CLOCK: variants seen among roughly 807,000 people sequenced by gnomAD.
CLOCK encodes circadian locomoter output cycles protein kaput.
In CLOCK, 43 loss-of-function variants were observed where a neutral mutation model predicts 118.4. The ratio of observed to expected loss-of-function variants is 0.36; its 90% confidence interval spans 0.28 to 0.47. The LOEUF is 0.47. Ranked by LOEUF, CLOCK falls within the 20% of genes least tolerant of loss-of-function variation. The pLI is 1.00. For synonymous variants in CLOCK, 326 were observed against 339.2 expected (o/e 0.96, Z 0.43); for missense variants, 846 against 999.9 (o/e 0.85, Z 2.08).
At position 55,443,864 on chromosome 4, in the gene CLOCK, A is replaced by G. The variant is rs1001722701; in HGVS notation, c.1725T>C (p.Asn575=). The G allele has an allele frequency of 6.2e-7, 1 of 1,613,202 alleles. No homozygotes were observed. The change falls in exon 20 of 23, where the codon AAT becomes AAC. Residue 575 remains asparagine (N), a synonymous_variant. Coordinates refer to ENST00000513440, the MANE Select transcript of CLOCK (RefSeq NM_004898.4). ...MFLQQSNPGL[N]FGSVQLSSGN... ...CAGAAGAAAGTTGAACGGAACCAAA[A>G]TTCAACCCAGGATTTGATTGTTGCA... is the stretch of plus-strand genomic sequence containing the variant.
chr4:55,481,478 T>C (rs1306839621), intron 4 of CLOCK, among the ~76,000 whole-genome samples: 1 of 152,202 alleles, frequency 6.6e-6, no homozygotes, highest in East Asian at 1.9e-4. Flanking sequence ...TGAAGAAATA[T>C]CTTTTCCAAG....
intron 2 of CLOCK, among the ~76,000 whole-genome samples, chr4:55,496,370 G>A (rs771763347): frequency 6.6e-6 from 1 of 151,876 alleles, no homozygotes; most frequent in Non-Finnish European, 1.5e-5. Context: ...TGACATGGTC[G>A]GGAAGACTAA....
intron 3 of CLOCK, among the ~76,000 whole-genome samples, chr4:55,484,564 A>T (rs1379116612): frequency 6.6e-6 from 1 of 152,176 alleles, no homozygotes; most frequent in African/African-American, 2.4e-5. Context: ...ATTTATCTTC[A>T]TGGTAAGAAG....
At chr4:55,499,687 C>T (rs1282228038) in intron 2 of CLOCK, among the ~76,000 whole-genome samples, 1 of 152,210 alleles carries the variant, frequency 6.6e-6, no homozygotes, top group Non-Finnish European at 1.5e-5. Context: ...GTTTTCAAAG[C>T]GTTCACAATG....
intron 3 of CLOCK, among the ~76,000 whole-genome samples, chr4:55,487,720 C>T (rs571634419): frequency 5.5e-4 from 84 of 152,090 alleles, no homozygotes; most frequent in Non-Finnish European, 3.1e-4. Flanking sequence ...GTTTTAGTTC[C>T]ACCATCACTC....
At chr4:55,462,125 T>TA (rs1295706033) in intron 9 of CLOCK, among the ~76,000 whole-genome samples, 1 of 152,234 alleles carries the variant, frequency 6.6e-6, no homozygotes, top group Non-Finnish European at 1.5e-5. Context: ...AGACTTTTCT[T>TA]AAGTATTCTT....
intron 1 of CLOCK, among the ~76,000 whole-genome samples, chr4:55,512,251 G>A (rs2047445317): frequency 6.6e-6 from 1 of 152,154 alleles, no homozygotes; most frequent in African/African-American, 2.4e-5. Flanking sequence ...AGCACTGGAT[G>A]TAGTTAGTAT....
intron 2 of CLOCK, among the ~76,000 whole-genome samples, chr4:55,499,001 T>C (rs887745711): frequency 2.0e-5 from 3 of 152,254 alleles, no homozygotes; most frequent in Admixed American, 2.0e-4. Flanking sequence ...CTGTATTTCA[T>C]ATATTGTATT....
At chr4:55,500,791 G>A (rs1452739635) in intron 2 of CLOCK, among the ~76,000 whole-genome samples, 1 of 152,164 alleles carries the variant, frequency 6.6e-6, no homozygotes, top group Non-Finnish European at 1.5e-5. Flanking sequence ...ATTTCATTAG[G>A]AGTATGCACT....
chr4:55,542,476 G>C (rs1164156528), intron 1 of CLOCK, among the ~76,000 whole-genome samples: 2 of 148,878 alleles, frequency 1.3e-5, no homozygotes, highest in Non-Finnish European at 1.5e-5. Flanking sequence ...CATCTTTCTA[G>C]GTATCTCCCA....
chr4:55,493,463 G>A (rs1431515838), intron 2 of CLOCK, among the ~76,000 whole-genome samples: 2 of 152,070 alleles, frequency 1.3e-5, no homozygotes, highest in African/African-American at 2.4e-5. Flanking sequence ...AAAACCTAAG[G>A]AACAAACCTT....
At chr4:55,507,880 A>G (rs540938751) in intron 2 of CLOCK, among the ~76,000 whole-genome samples, 1 of 152,372 alleles carries the variant, frequency 6.6e-6, no homozygotes, top group African/African-American at 2.4e-5. Context: ...AAAAAGGCAC[A>G]GAACCCACTC....
intron 4 of CLOCK, among the ~76,000 whole-genome samples, chr4:55,480,005 G>A (rs969841652): frequency 2.0e-5 from 3 of 152,178 alleles, no homozygotes; most frequent in South Asian, 2.1e-4. Context: ...CGGTAAAAAC[G>A]TATAGAAAGT....
intron 1 of CLOCK, among the ~76,000 whole-genome samples, chr4:55,527,740 G>A (rs763745323): frequency 6.6e-6 from 1 of 152,062 alleles, no homozygotes; most frequent in Admixed American, 6.6e-5. Flanking sequence ...TAATGATACC[G>A]AGATTATGAA....
chr4:55,530,846 G>A (rs377396070), intron 1 of CLOCK, among the ~76,000 whole-genome samples: 3 of 137,224 alleles, frequency 2.2e-5, no homozygotes, highest in East Asian at 2.1e-4. Flanking sequence ...GGAAGATGTC[G>A]CATCTAAGAA....
At chr4:55,448,931 A>G in intron 17 of CLOCK, 63 bp from the exon 18 acceptor site, 1 of 1,226,722 alleles carries the variant, frequency 8.2e-7, no homozygotes, top group African/African-American at 1.5e-5. Context: ...TACTTCCAGC[A>G]GAAATATCAA....
intron 18 of CLOCK, among the ~76,000 whole-genome samples, chr4:55,448,184 T>C (rs1296163450): frequency 6.6e-6 from 1 of 152,240 alleles, no homozygotes; most frequent in East Asian, 1.9e-4. Flanking sequence ...TCATTCCCTC[T>C]AGATGTAATG....
chr4:55,524,988 G>A (rs551371159), intron 1 of CLOCK, among the ~76,000 whole-genome samples: 36 of 151,778 alleles, frequency 2.4e-4, no homozygotes, highest in Non-Finnish European at 4.6e-4. Context: ...CACTCTCCTA[G>A]GTGATTCCAT....
Position 55,435,599 on chromosome 4 carries a change from A to AT in CLOCK, c.2362-6_2362-5insA, listed in dbSNP as rs764863786. The AT allele has an allele frequency of 1.9e-6, 3 of 1,613,736 alleles. No homozygotes were observed. The South Asian group carries it at 3.3e-5, about 18-fold the overall frequency. ...CCCATGGAGCAACCTAGAAGTCTAA[A>AT]AAACAAATGGATTATGCAGCATTGC... On this transcript the variant is annotated splice_region_variant and splice_polypyrimidine_tract_variant and intron_variant, in intron 22 of 22. Coordinates refer to ENST00000513440, the MANE Select transcript of CLOCK (RefSeq NM_004898.4).
Sources: allele counts gnomAD v4.1 joint callset (sites outside exome capture counted in the v4.1 genomes callset), GRCh38; gene constraint gnomAD v4.1.1; transcripts MANE v1.5; gene names NCBI Gene and HGNC (gene_info 2026-07-23, HGNC 2026-07-21).